Variants in AFF2 observed in about 807,000 individuals in gnomAD.
AFF2 encodes the protein ALF transcription elongation factor 2.
A neutral mutation model predicts 76.9 loss-of-function variants in AFF2; 14 were observed. The ratio of observed to expected loss-of-function variants is 0.18; its 90% CI spans 0.12 to 0.28. The LOEUF is 0.28. Ranked by LOEUF, AFF2 falls within the 10% of genes least tolerant of loss-of-function variation. The pLI, the probability that AFF2 is intolerant of heterozygous loss-of-function variation, is 1.00. For synonymous variants in AFF2, 398 were observed against 366.7 expected, an observed-to-expected ratio of 1.09 and a Z score of -0.98; for missense variants, 868 against 1,001.1, an observed-to-expected ratio of 0.87 and a Z score of 1.79.
Position 148,999,243 on chromosome X carries a change from T to C in AFF2, c.*7911T>C, listed in dbSNP as rs781931052. 1 of 111,365 alleles carries C rather than the reference T, an allele frequency of 9.0e-6. No individual in the cohort carries two copies. The highest frequency in any genetic ancestry group is 3.8e-4 in the South Asian group (1 of 2,626). The allele number at this position is 111,365 out of a possible 1,213,427, so 9.2% of individuals were successfully genotyped here. A position where few individuals can be genotyped will look rare whatever the true frequency, so the allele number is the denominator to read the frequency against. On this transcript the variant is annotated 3_prime_UTR_variant, in exon 21 of 21. Coordinates refer to ENST00000370460, the MANE Select transcript of AFF2 (RefSeq NM_002025.4). ...ATAGCGTGTGTGTTTGCTTTGTATC[T>C]AACAGGCACATTCACGTCTCGTGTA...
At chrX:148,736,892 T>G (rs2055291313) in intron 3 of AFF2, among the ~76,000 whole-genome samples, 3 of 111,527 alleles carry the variant, frequency 2.7e-5, no homozygotes, top group African/African-American at 9.8e-5. Flanking sequence ...CACTTTGTGA[T>G]TTTGTTTGCT....
At chrX:148,701,975 G>C (rs1557261919) in intron 3 of AFF2, among the ~76,000 whole-genome samples, 2 of 112,192 alleles carry the variant, frequency 1.8e-5, no homozygotes, top group Non-Finnish European at 3.8e-5. Flanking sequence ...CATTGAAAAA[G>C]TAAATTACAA....
chrX:148,999,567 G>T lies in AFF2; in HGVS notation c.*8235G>T, dbSNP rs1348053222. 9.0e-6 allele frequency: 1 copy of T among 110,573 alleles called. No individual in the cohort carries two copies. Among genetic ancestry groups the T allele is most frequent in the Non-Finnish European group, 1.9e-5 (1 of 52,948 alleles). The allele number at this position is 110,573 out of a possible 1,213,427, so 9.1% of individuals were successfully genotyped here. A position where few individuals can be genotyped will look rare whatever the true frequency, so the allele number is the denominator to read the frequency against. ...GTGGCAAGCCATAACTGCACAAAGA[G>T]TACACATCGTCAGTGTGTGTGTGTG... On this transcript the variant is annotated 3_prime_UTR_variant, in exon 21 of 21. Transcript: ENST00000370460.
intron 1 of AFF2, among the ~76,000 whole-genome samples, chrX:148,647,062 C>A (rs1557255545): frequency 8.9e-6 from 1 of 112,195 alleles, no homozygotes; most frequent in African/African-American, 3.2e-5. Context: ...AAAAGTATCA[C>A]CTGACACTCT....
chrX:148,637,696 T>C (rs1284640608), intron 1 of AFF2, among the ~76,000 whole-genome samples: 1 of 112,439 alleles, frequency 8.9e-6, no homozygotes, highest in Non-Finnish European at 1.9e-5. Context: ...ATTAATGCTA[T>C]ATTTAATATT....
intron 19 of AFF2, among the ~76,000 whole-genome samples, chrX:148,985,136 C>T (rs1557291310): frequency 9.2e-6 from 1 of 108,901 alleles, no homozygotes; most frequent in Non-Finnish European, 1.9e-5. Context: ...AGGCGTGTGC[C>T]ACCATGCCCA....
intron 3 of AFF2, among the ~76,000 whole-genome samples, chrX:148,779,032 G>A (rs1432190475): frequency 9.0e-6 from 1 of 110,942 alleles, no homozygotes; most frequent in Non-Finnish European, 1.9e-5. Context: ...CAGAGATTCT[G>A]GTACATTGTG....
At chrX:148,870,884 G>A (rs1557277283) in intron 7 of AFF2, among the ~76,000 whole-genome samples, 1 of 111,734 alleles carries the variant, frequency 8.9e-6, no homozygotes, top group Non-Finnish European at 1.9e-5. Context: ...AATCTCACAG[G>A]GACAAGGCAT....
chrX:148,792,737 C>G (rs1557270049), intron 3 of AFF2, among the ~76,000 whole-genome samples: 1 of 112,080 alleles, frequency 8.9e-6, no homozygotes, highest in Non-Finnish European at 1.9e-5. Context: ...ATGGCATATA[C>G]CACAATGCCT....
chrX:148,609,039 T>A (rs1384811795), intron 1 of AFF2, among the ~76,000 whole-genome samples: 1 of 111,474 alleles, frequency 9.0e-6, no homozygotes, highest in Non-Finnish European at 1.9e-5. Flanking sequence ...TGACATTGAC[T>A]TTCCTCTGGA....
At chrX:148,642,439 A>G (rs2054099624) in intron 1 of AFF2, among the ~76,000 whole-genome samples, 1 of 112,745 alleles carries the variant, frequency 8.9e-6, no homozygotes, top group South Asian at 3.6e-4. Context: ...TGAAAATAAA[A>G]CACCTTTTAA....
At chrX:148,526,783 T>G (rs1324646141) in intron 1 of AFF2, among the ~76,000 whole-genome samples, 2 of 111,530 alleles carry the variant, frequency 1.8e-5, no homozygotes, top group Non-Finnish European at 3.8e-5. Context: ...AATATCATGA[T>G]GTTATAATGA....
At chrX:148,951,821 C>G (rs1603346833) in intron 9 of AFF2, among the ~76,000 whole-genome samples, 1 of 111,979 alleles carries the variant, frequency 8.9e-6, no homozygotes, top group Middle Eastern at 4.6e-3. Flanking sequence ...CCCTTTCCCC[C>G]CCACTGCTGG....
chrX:148,720,514 TA>T (rs1156914046), intron 3 of AFF2, among the ~76,000 whole-genome samples: 2 of 111,215 alleles, frequency 1.8e-5, no homozygotes, highest in African/African-American at 6.5e-5. Flanking sequence ...TGGTGCTCCA[TA>T]AATGTTTATT....
intron 9 of AFF2, among the ~76,000 whole-genome samples, chrX:148,945,480 C>T: frequency 8.9e-6 from 1 of 112,147 alleles, no homozygotes; most frequent in East Asian, 2.8e-4. Context: ...CTCCCAGTGG[C>T]TCCCATCTGA....
chrX:148,950,161 T>C (rs2071948146), intron 9 of AFF2, among the ~76,000 whole-genome samples: 1 of 112,684 alleles, frequency 8.9e-6, no homozygotes, highest in South Asian at 3.7e-4. Context: ...ACATTGATGT[T>C]TGTCCTGCTT....
At chrX:148,786,222 G>A (rs1367468677) in intron 3 of AFF2, among the ~76,000 whole-genome samples, 1 of 111,334 alleles carries the variant, frequency 9.0e-6, no homozygotes, top group African/African-American at 3.3e-5. Context: ...CCCCACCCTG[G>A]CCAGTCATTA....
intron 1 of AFF2, among the ~76,000 whole-genome samples, chrX:148,551,916 A>C (rs1343835033): frequency 8.9e-6 from 1 of 112,487 alleles, no homozygotes; most frequent in Non-Finnish European, 1.9e-5. Context: ...TGAGTAACTA[A>C]AATCAGGCAC....
At chrX:148,817,945 A>G (rs1170164521) in intron 4 of AFF2, among the ~76,000 whole-genome samples, 3 of 112,082 alleles carry the variant, frequency 2.7e-5, no homozygotes, top group African/African-American at 9.7e-5. Context: ...AATAGAAATA[A>G]GTGGAAACAT....
Sources: gnomAD v4.1 joint callset for allele counts (sites outside exome capture counted in the v4.1 genomes callset) on GRCh38, gnomAD v4.1.1 for gene constraint, MANE v1.5 for transcripts, NCBI Gene and HGNC (gene_info 2026-07-23, HGNC 2026-07-21) for gene names.